SDK1: variants seen among roughly 807,000 people sequenced by gnomAD.
SDK1 encodes sidekick cell adhesion molecule 1, also known as protein sidekick-1.
Under a neutral mutation model 245.5 loss-of-function variants are expected in SDK1, and 157 were observed. That is an observed-to-expected ratio of 0.64 (90% CI 0.56 to 0.73). The LOEUF is 0.73. SDK1 is among the 30% of genes least tolerant of loss of function. The pLI, the probability that SDK1 is intolerant of heterozygous loss-of-function variation, is 0.00. For missense variants in SDK1, 3,583 were observed against 3,002.3 expected (o/e 1.19, Z -4.52); for synonymous variants, 1,647 against 1,278.5 (o/e 1.29, Z -6.15).
At chr7:3,641,856 C>T in intron 3 of SDK1, 102 bp from the exon 4 acceptor site, 2 of 895,802 alleles carry the variant, frequency 2.2e-6, no homozygotes, top group South Asian at 1.7e-5. Context: ...AATGTGGCAG[C>T]ATCAGTGACT....
chr7:3,663,754 G>C (rs2341449), intron 4 of SDK1, among the ~76,000 whole-genome samples: 4 of 151,806 alleles, frequency 2.6e-5, no homozygotes, highest in Non-Finnish European at 4.4e-5. Flanking sequence ...ATTATGTGTT[G>C]TCCCTACCAC....
intron 4 of SDK1, among the ~76,000 whole-genome samples, chr7:3,803,851 G>A (rs898106511): frequency 1.0e-4 from 15 of 146,280 alleles, no homozygotes; most frequent in African/African-American, 3.3e-4. Context: ...TGCAAGCTCC[G>A]CCTCCCATGT....
Position 3,980,939 on chromosome 7 carries a change from C to CA in SDK1, c.1995-6235dup, listed in dbSNP as rs35657695. ...TGAGCTACAGAGCGAGACTCCATCT[C>CA]AAAAAAAAAAAAGAAAGAAAAAAAG... On this transcript the variant is annotated intron_variant, in intron 13 of 44. Coordinates refer to ENST00000404826, the MANE Select transcript of SDK1 (RefSeq NM_152744.4). Among the ~76,000 whole-genome samples the CA allele has an allele frequency of 3.5e-3, 502 of 142,592 alleles. 4 individuals are homozygous for CA. The highest frequency in any genetic ancestry group is 0.012 in the African/African-American group (471 of 37,976). 93.5% of individuals were successfully genotyped at this position (142,592 alleles called of 152,430 possible).
intron 4 of SDK1, among the ~76,000 whole-genome samples, chr7:3,655,221 G>A (rs1783124881): frequency 6.6e-6 from 1 of 151,214 alleles, no homozygotes; most frequent in African/African-American, 2.4e-5. Flanking sequence ...ATCATCTGAG[G>A]TTGGGAGTTC....
In SDK1 at chr7:4,017,324, G is replaced by T. The variant is rs1786492939; in HGVS notation, c.2574G>T (p.Arg858Ser). Residue 858 changes from arginine (R) to serine (S), a missense_variant, in exon 17 of 45, where the codon AGG (arginine) becomes AGT (serine). Arg to Ser is a moderately radical substitution (Grantham distance 110, BLOSUM62 -1). Coordinates refer to ENST00000404826, the MANE Select transcript of SDK1 (RefSeq NM_152744.4). ...GGGCCGGTCTGGGCGTCTTCAGCAG[G>T]GCAGTGACCGAGTACACCTTGCAGG... ...YNGAGLGVFS[R>S]AVTEYTLQGV... The T allele has an allele frequency of 6.2e-7, 1 of 1,613,354 alleles. No individual in the cohort carries two copies.
At chr7:3,974,272 C>T (rs1782720215) in intron 12 of SDK1, 97 bp from the exon 13 acceptor site, 1 of 979,978 alleles carries the variant, frequency 1.0e-6, no homozygotes, top group East Asian at 2.5e-5. Flanking sequence ...AGTCCATTCA[C>T]AAGATTGTTA....
intron 44 of SDK1, among the ~76,000 whole-genome samples, chr7:4,249,894 A>G (rs1463297483): frequency 6.6e-6 from 1 of 152,202 alleles, no homozygotes; most frequent in African/African-American, 2.4e-5. Flanking sequence ...ATGTCATACA[A>G]TTCACTCATT....
chr7:3,989,295 C>G (rs910724831), intron 14 of SDK1, among the ~76,000 whole-genome samples: 11 of 152,178 alleles, frequency 7.2e-5, no homozygotes, highest in African/African-American at 2.7e-4. Flanking sequence ...GGAAAACTCC[C>G]CTTGTACTAA....
chr7:3,586,274 G>A (rs1019065821), intron 1 of SDK1, among the ~76,000 whole-genome samples: 9 of 152,144 alleles, frequency 5.9e-5, no homozygotes, highest in Non-Finnish European at 1.0e-4. Context: ...ATAGACCTCC[G>A]AAAGAGCCCG....
At chr7:3,982,041 G>A (rs566259706) in intron 13 of SDK1, among the ~76,000 whole-genome samples, 165 of 152,276 alleles carry the variant, frequency 1.1e-3, no homozygotes, top group African/African-American at 3.9e-3. Flanking sequence ...AGCTTCAAAG[G>A]GCAGGCTGAC....
intron 1 of SDK1, among the ~76,000 whole-genome samples, chr7:3,446,561 T>G (rs979787656): frequency 6.6e-6 from 1 of 152,196 alleles, no homozygotes; most frequent in Non-Finnish European, 1.5e-5. Context: ...TGTATCATGC[T>G]AAATGTTTTG....
chr7:4,164,811 A>T (rs530474179), intron 32 of SDK1, among the ~76,000 whole-genome samples: 1 of 152,224 alleles, frequency 6.6e-6, no homozygotes. Context: ...TGGTGTGTGC[A>T]TCAGCCGTCC....
At chr7:3,900,152 T>G (rs1381810856) in intron 5 of SDK1, among the ~76,000 whole-genome samples, 1 of 152,236 alleles carries the variant, frequency 6.6e-6, no homozygotes, top group Admixed American at 6.5e-5. Context: ...AAGTTGGTGC[T>G]ACTCCTTCTA....
intron 13 of SDK1, among the ~76,000 whole-genome samples, chr7:3,983,148 T>C (rs372796957): frequency 4.6e-5 from 7 of 152,344 alleles, no homozygotes; most frequent in African/African-American, 1.7e-4. Flanking sequence ...ACCGTGAACA[T>C]TGTTGAAATG....
chr7:3,511,868 C>G (rs774224249), intron 1 of SDK1, among the ~76,000 whole-genome samples: 5 of 148,310 alleles, frequency 3.4e-5, no homozygotes, highest in African/African-American at 7.5e-5. Flanking sequence ...ACTGATATCT[C>G]GTATGTCTCC....
chr7:4,216,510 C>T (rs978115394), intron 38 of SDK1, among the ~76,000 whole-genome samples: 1 of 152,222 alleles, frequency 6.6e-6, no homozygotes, highest in Non-Finnish European at 1.5e-5. Flanking sequence ...ACCACAAAAG[C>T]GGTAACTGGA....
At chr7:3,337,200 G>A (rs1300075443) in intron 1 of SDK1, among the ~76,000 whole-genome samples, 3 of 152,016 alleles carry the variant, frequency 2.0e-5, no homozygotes, top group Non-Finnish European at 4.4e-5. Flanking sequence ...GAAATTCTCA[G>A]CCAAGAAATA....
intron 3 of SDK1, among the ~76,000 whole-genome samples, chr7:3,640,120 C>T (rs925344467): frequency 6.6e-6 from 1 of 152,110 alleles, no homozygotes; most frequent in Non-Finnish European, 1.5e-5. Context: ...TCCAGCCTTC[C>T]AAAGTGCTGG....
chr7:4,210,513 C>T (rs1036504292), intron 38 of SDK1, among the ~76,000 whole-genome samples: 15 of 152,158 alleles, frequency 9.9e-5, no homozygotes, highest in Non-Finnish European at 1.8e-4. Flanking sequence ...CCTGTGGTCG[C>T]CGACAGAGAC....
Sources: gnomAD v4.1 joint callset for allele counts (sites outside exome capture counted in the v4.1 genomes callset) on GRCh38, gnomAD v4.1.1 for gene constraint, MANE v1.5 for transcripts, NCBI Gene and HGNC (gene_info 2026-07-23, HGNC 2026-07-21) for gene names.